ADAM12: variants seen among roughly 807,000 people sequenced by gnomAD.
The protein encoded by ADAM12 is ADAM metallopeptidase domain 12.
A neutral mutation model predicts 106.4 loss-of-function variants in ADAM12; 70 were observed. The ratio of observed to expected loss-of-function variants is 0.66; its 90% confidence interval spans 0.54 to 0.80. ADAM12 has a LOEUF of 0.80. Ranked by LOEUF, ADAM12 falls within the 30% of genes least tolerant of loss-of-function variation. The pLI, the probability that ADAM12 is intolerant of heterozygous loss-of-function variation, is 0.00. For synonymous variants in ADAM12, 420 were observed against 433.5 expected (o/e 0.97, Z 0.39); for missense variants, 1,010 against 1,171.9 (o/e 0.86, Z 2.02).
chr10:126,348,333 T>C (rs754218615), intron 1 of ADAM12, among the ~76,000 whole-genome samples: 1 of 152,130 alleles, frequency 6.6e-6, no homozygotes, highest in Non-Finnish European at 1.5e-5. Context: ...CCAGGATGTC[T>C]TCACAACAGG....
At chr10:126,182,125 C>T (rs1204388861) in intron 3 of ADAM12, among the ~76,000 whole-genome samples, 5 of 152,246 alleles carry the variant, frequency 3.3e-5, no homozygotes, top group African/African-American at 1.2e-4. Flanking sequence ...CAGGTAACAG[C>T]GGCCCTGCTG....
intron 3 of ADAM12, among the ~76,000 whole-genome samples, chr10:126,163,010 C>T (rs59478669): frequency 0.04 from 6,024 of 152,160 alleles, 400 homozygotes; most frequent in African/African-American, 0.14. Context: ...GTGGCACCTC[C>T]TCCTCCCACC....
intron 3 of ADAM12, among the ~76,000 whole-genome samples, chr10:126,190,845 A>G (rs1957485547): frequency 6.6e-6 from 1 of 152,082 alleles, no homozygotes; most frequent in Non-Finnish European, 1.5e-5. Flanking sequence ...GCAGCCCAGG[A>G]ATAGAAATAA....
At chr10:126,051,536 C>CCAGCCAG (rs1954490578) in intron 14 of ADAM12, among the ~76,000 whole-genome samples, 3 of 118,892 alleles carry the variant, frequency 2.5e-5, no homozygotes, top group Non-Finnish European at 3.5e-5. Flanking sequence ...CAGCCAGCCA[C>CCAGCCAG]CCATCCATCC....
intron 5 of ADAM12, among the ~76,000 whole-genome samples, chr10:126,128,926 G>A (rs540411730): frequency 2.3e-4 from 35 of 152,272 alleles, no homozygotes; most frequent in African/African-American, 7.7e-4. Flanking sequence ...CCATGGGAGT[G>A]TGTGGTGCGC....
At chr10:126,190,989 C>G (rs1471655159) in intron 3 of ADAM12, among the ~76,000 whole-genome samples, 1 of 68,710 alleles carries the variant, frequency 1.5e-5, no homozygotes, top group Admixed American at 1.5e-4. Context: ...GGAGTTTTGT[C>G]CTTTTTTTTT....
In ADAM12 at chr10:126,267,684, TC is replaced by T. The variant is rs571108989; in HGVS notation, c.260+11230del. On this transcript the variant is annotated intron_variant, in intron 3 of 22. Transcript: ENST00000448723. ...ATACAGATGAAGCTTCACTCACTCA[TC>T]AGATACTCATCCCCTGCTGTGTGGC... Among the ~76,000 whole-genome samples the T allele has an allele frequency of 5.9e-5, 9 of 152,256 alleles. No homozygotes were observed. In the East Asian group the frequency reaches 1.7e-3, roughly 29 times the overall value.
chr10:126,149,090 G>C (rs1674906), intron 4 of ADAM12, among the ~76,000 whole-genome samples: 2 of 152,118 alleles, frequency 1.3e-5, no homozygotes, highest in African/African-American at 2.4e-5. Flanking sequence ...GGGGAGGACC[G>C]GGGGAAGACG....
intron 2 of ADAM12, among the ~76,000 whole-genome samples, chr10:126,294,143 G>A (rs545211185): frequency 1.3e-5 from 2 of 152,172 alleles, no homozygotes; most frequent in South Asian, 4.1e-4. Flanking sequence ...TGCTGACAGG[G>A]CAGAACCTGA....
At chr10:126,020,054 TGCCCCTG>T (rs746184100) in intron 21 of ADAM12, among the ~76,000 whole-genome samples, 6 of 152,244 alleles carry the variant, frequency 3.9e-5, no homozygotes, top group Non-Finnish European at 8.8e-5. Flanking sequence ...GCTTCTGGAC[TGCCCCTG>T]GGCCCTGGGG....
intron 1 of ADAM12, among the ~76,000 whole-genome samples, chr10:126,341,430 T>C (rs952507252): frequency 2.0e-5 from 3 of 152,228 alleles, no homozygotes; most frequent in African/African-American, 7.2e-5. Flanking sequence ...GGCTTCGTTC[T>C]CATGGACACT....
intron 3 of ADAM12, among the ~76,000 whole-genome samples, chr10:126,248,796 C>T (rs893253449): frequency 1.3e-5 from 2 of 151,986 alleles, no homozygotes. Flanking sequence ...ACCTCCGCCT[C>T]CTGGGTTCAA....
At chr10:126,060,777 A>AGTGTGTAGAGC (rs1954737815) in intron 14 of ADAM12, among the ~76,000 whole-genome samples, 3 of 152,220 alleles carry the variant, frequency 2.0e-5, no homozygotes, top group African/African-American at 7.2e-5. Context: ...AAGGATTCAC[A>AGTGTGTAGAGC]TCCGCCCTCC....
At chr10:126,050,030 G>T (rs1954439044) in intron 14 of ADAM12, among the ~76,000 whole-genome samples, 1 of 130,564 alleles carries the variant, frequency 7.7e-6, no homozygotes, top group East Asian at 2.7e-4. Context: ...CTGGCTGGCT[G>T]GCTGCAGAGA....
rs948913490 is a variant in ADAM12 at position 126,049,440 on chromosome 10, C to T, written c.1730G>A (p.Cys577Tyr). Residue 577 changes from cysteine to tyrosine, a missense_variant, in exon 16 of 23, where the codon TGT (cysteine) becomes TAT (tyrosine). Physicochemically the swap from Cys to Tyr is radical, Grantham distance 194 (BLOSUM62 -2). This residue lies in a region of ADAM12 where 615 missense variants were observed against 708.5 expected (regional missense o/e 0.87). Transcript: ENST00000448723. The surrounding 1 kb of genome is among the most constrained non-coding windows in gnomAD (Gnocchi z 4.4). ...FAKCEMRDAK[C>Y]GKIQCQGGAS... ...ACCTCCTTGACACTGGATTTTTCCACATTTAGCATCTCTGGAAGGGTAAGA... is the reference window on the plus strand; with the variant it reads ...ACCTCCTTGACACTGGATTTTTCCATATTTAGCATCTCTGGAAGGGTAAGA... 1.2e-6 allele frequency: 2 copies of T among 1,614,066 alleles called. No homozygotes were observed. The highest frequency in any genetic ancestry group is 1.7e-5 in the Admixed American group (1 of 60,006).
chr10:126,176,913 G>C (rs1957228998), intron 3 of ADAM12, among the ~76,000 whole-genome samples: 1 of 152,116 alleles, frequency 6.6e-6, no homozygotes, highest in South Asian at 2.1e-4. Context: ...TGGGACTCCT[G>C]AACTTTCAGA....
At position 126,224,614 on chromosome 10, in the gene ADAM12, C is replaced by T. The variant is rs562138570; in HGVS notation, c.260+54301G>A. ...TTGTCACGAAGGGAGGTTCCAAGGG[C>T]ATCTTCCCATAATACTGCAGTCTTT... On this transcript the variant is annotated intron_variant, in intron 3 of 22. Transcript: ENST00000448723. Among the ~76,000 whole-genome samples, 12 of 152,306 alleles carry T rather than the reference C, an allele frequency of 7.9e-5. No homozygotes were observed. In the East Asian group the frequency reaches 2.3e-3, roughly 29 times the overall value.
At chr10:126,167,793 T>C (rs971494406) in intron 3 of ADAM12, among the ~76,000 whole-genome samples, 4 of 152,222 alleles carry the variant, frequency 2.6e-5, no homozygotes, top group South Asian at 2.1e-4. Context: ...AGCATCCACA[T>C]GGTCTATGAT....
chr10:126,104,947 T>C (rs571184371), intron 8 of ADAM12, among the ~76,000 whole-genome samples: 4 of 152,160 alleles, frequency 2.6e-5, no homozygotes, highest in South Asian at 4.2e-4. Flanking sequence ...AACTGAAATT[T>C]AGAATTGTGT....
Sources: gnomAD v4.1 joint callset for allele counts (sites outside exome capture counted in the v4.1 genomes callset) on GRCh38, gnomAD v4.1.1 for gene constraint, gnomAD v4.1.1 regional missense constraint, Gnocchi (gnomAD v3.1) non-coding constraint, MANE v1.5 for transcripts, NCBI Gene and HGNC (gene_info 2026-07-23, HGNC 2026-07-21) for gene names.